The following MYO10 variants were observed in gnomAD, a reference collection of about 807,000 sequenced individuals.
MYO10 encodes unconventional myosin-X.
Under a neutral mutation model 257.3 loss-of-function variants are expected in MYO10, and 133 were observed. That is an observed-to-expected ratio of 0.52 (90% CI 0.45 to 0.60). The LOEUF is 0.60. Ranked by LOEUF, MYO10 falls within the 20% of genes least tolerant of loss-of-function variation. MYO10 has a pLI of 0.00. For missense variants in MYO10, 2,399 were observed against 2,635.7 expected (o/e 0.91, Z 1.97); for synonymous variants, 1,104 against 1,028.6 (o/e 1.07, Z -1.40).
intron 1 of MYO10, among the ~76,000 whole-genome samples, chr5:16,903,786 G>A (rs547122215): frequency 2.0e-5 from 3 of 152,316 alleles, no homozygotes; most frequent in African/African-American, 4.8e-5. Flanking sequence ...ATAATAAAGT[G>A]CAGAGAGGAA....
intron 1 of MYO10, among the ~76,000 whole-genome samples, chr5:16,894,975 C>A (rs1203701166): frequency 6.6e-6 from 1 of 152,162 alleles, no homozygotes; most frequent in Non-Finnish European, 1.5e-5. Flanking sequence ...CAGCTCTACA[C>A]AATGAAACAA....
chr5:16,762,410 G>T, intron 15 of MYO10, 135 bp downstream of exon 15: 1 of 768,948 alleles, frequency 1.3e-6, no homozygotes, highest in South Asian at 2.0e-5. Flanking sequence ...AGTAATAGAA[G>T]AACAGCTTTG....
At chr5:16,841,798 C>T (rs537800756) in intron 2 of MYO10, among the ~76,000 whole-genome samples, 65 of 152,232 alleles carry the variant, frequency 4.3e-4, no homozygotes, top group African/African-American at 1.2e-3. Context: ...TTTGTAAGTG[C>T]GTCTAATAAT....
Position 16,758,077 on chromosome 5 carries a change from C to T in MYO10, c.1848+41G>A, listed in dbSNP as rs764019596. 5 of 1,407,488 alleles carry T rather than the reference C, an allele frequency of 3.6e-6. No individual in the cohort carries two copies. The Admixed American group carries it at 5.0e-5, about 14-fold the overall frequency. The allele number at this position is 1,407,488 out of a possible 1,614,324, so 87.2% of individuals were successfully genotyped here. On this transcript the variant is annotated intron_variant, in intron 18 of 40. Transcript: ENST00000513610. ...ATCCTCTTTTCAGTTCTTAAAAATA[C>T]AGTAACGACGGATTCCTCTAAGCCA...
At chr5:16,880,791 A>C (rs888027137) in intron 1 of MYO10, among the ~76,000 whole-genome samples, 12 of 152,306 alleles carry the variant, frequency 7.9e-5, no homozygotes, top group African/African-American at 2.9e-4. Flanking sequence ...ATTAGCAAAC[A>C]GCTGCTTCCA....
At chr5:16,803,486 G>A (rs1038271020) in intron 3 of MYO10, among the ~76,000 whole-genome samples, 8 of 152,106 alleles carry the variant, frequency 5.3e-5, no homozygotes, top group African/African-American at 1.9e-4. Flanking sequence ...AAATAAAAAT[G>A]TTCTGGTGAC....
intron 2 of MYO10, among the ~76,000 whole-genome samples, chr5:16,831,165 T>C (rs1743151364): frequency 6.6e-6 from 1 of 152,088 alleles, no homozygotes; most frequent in Admixed American, 6.6e-5. Flanking sequence ...AAAACCACCA[T>C]GTGACACCAC....
At chr5:16,932,648 T>C (rs1746321716) in intron 1 of MYO10, among the ~76,000 whole-genome samples, 1 of 152,180 alleles carries the variant, frequency 6.6e-6, no homozygotes, top group Non-Finnish European at 1.5e-5. Flanking sequence ...AACTGAGGAA[T>C]GTGGCATGCT....
chr5:16,805,261 A>G (rs981900136), intron 3 of MYO10, among the ~76,000 whole-genome samples: 21 of 151,896 alleles, frequency 1.4e-4, no homozygotes, highest in Non-Finnish European at 2.9e-5. Flanking sequence ...TCAGGAGTTC[A>G]AGACCAGCCT....
In MYO10 at chr5:16,681,905, G is replaced by A. The variant is rs774393814; in HGVS notation, c.4155C>T (p.Asp1385=). ...TGAATTCCTGGCCCTCCACTCTGGT[G>A]TCCCCTTTGGACCTCTGCAGCAGGG... ...WITLLQRSKG[D]TRVEGQEFIV... Residue 1385 remains aspartate (D), a synonymous_variant, in exon 31 of 41, where the codon GAC becomes GAT. Transcript: ENST00000513610. 64 of 1,613,878 alleles carry A rather than the reference G, an allele frequency of 4.0e-5. 1 individual carries two copies. The highest frequency in any genetic ancestry group is 5.2e-5 in the Non-Finnish European group (61 of 1,179,896).
At chr5:16,668,668 C>T (rs796933474) in intron 39 of MYO10, among the ~76,000 whole-genome samples, 200 bp from the exon 40 acceptor site, 5 of 152,186 alleles carry the variant, frequency 3.3e-5, no homozygotes, top group Admixed American at 2.0e-4. Context: ...GTTAATCTCA[C>T]GCTTTTGGGA....
intron 22 of MYO10, among the ~76,000 whole-genome samples, chr5:16,703,803 A>ACC (rs771702708): frequency 3.5e-4 from 52 of 147,542 alleles, no homozygotes; most frequent in Non-Finnish European, 6.8e-4. Context: ...AATCACTTGA[A>ACC]CCCGGGAGGC....
At chr5:16,844,948 A>ACG (rs1408377118) in intron 2 of MYO10, among the ~76,000 whole-genome samples, 2 of 131,524 alleles carry the variant, frequency 1.5e-5, no homozygotes, top group African/African-American at 6.8e-5. Context: ...ACACACACAC[A>ACG]CACACGCACA....
Position 16,734,790 on chromosome 5 carries a change from C to T in MYO10, c.1929+20038G>A, listed in dbSNP as rs550835127. 1.2e-3 allele frequency among the ~76,000 whole-genome samples: 184 copies of T among 149,870 alleles called. 1 individual carries two copies. Among genetic ancestry groups the T allele is most frequent in the African/African-American group, 4.4e-3 (177 of 40,632 alleles). On this transcript the variant is annotated intron_variant, in intron 19 of 40. Transcript: ENST00000513610. ...ATTGCACTCCAGCCTGGGTGACAAG[C>T]ACGAAACTCTGTCTCAAAAAAAAAA...
rs1332328357 is a variant in MYO10 at position 16,841,647 on chromosome 5, C to T, written c.121-23480G>A. ...ATGAGCTCCACAGACCATCACAACG[C>T]GGCAGCCTTTGTGGTCTGAGACACT... On this transcript the variant is annotated intron_variant, in intron 2 of 40. Transcript: ENST00000513610. 8.5e-5 allele frequency among the ~76,000 whole-genome samples: 13 copies of T among 152,286 alleles called. No individual in the cohort carries two copies. In the East Asian group the frequency reaches 9.7e-4, roughly 11 times the overall value.
At position 16,924,345 on chromosome 5, in the gene MYO10, G is replaced by A. The variant is rs146948355; in HGVS notation, c.21+11443C>T. On this transcript the variant is annotated intron_variant, in intron 1 of 40. Transcript: ENST00000513610. ...CTAGTATCATGAGCTAACTTCCTCC[G>A]CTAATCAATGTATTTCCTTAAGCTT... 1.7e-3 allele frequency among the ~76,000 whole-genome samples: 266 copies of A among 152,222 alleles called. 1 individual carries two copies. The highest frequency in any genetic ancestry group is 0.016 in the East Asian group (85 of 5,180).
At chr5:16,900,764 G>C (rs1486008190) in intron 1 of MYO10, among the ~76,000 whole-genome samples, 3 of 93,386 alleles carry the variant, frequency 3.2e-5, no homozygotes, top group African/African-American at 1.0e-4. Context: ...TTTTGAGACA[G>C]AGTCTTGCTC....
At chr5:16,880,661 C>A (rs1228542876) in intron 1 of MYO10, among the ~76,000 whole-genome samples, 1 of 152,188 alleles carries the variant, frequency 6.6e-6, no homozygotes, top group Non-Finnish European at 1.5e-5. Flanking sequence ...ACAGCACCAA[C>A]AGGGGCCAGT....
At chr5:16,808,101 T>C (rs1008948026) in intron 3 of MYO10, among the ~76,000 whole-genome samples, 1 of 152,188 alleles carries the variant, frequency 6.6e-6, no homozygotes, top group Admixed American at 6.5e-5. Context: ...GTTTTAACTG[T>C]CTTCTAGTGC....
Sources: allele counts gnomAD v4.1 joint callset (sites outside exome capture counted in the v4.1 genomes callset), GRCh38; gene constraint gnomAD v4.1.1; transcripts MANE v1.5; gene names NCBI Gene and HGNC (gene_info 2026-07-23, HGNC 2026-07-21).